DCDC2: variants seen among roughly 807,000 people sequenced by gnomAD.
The protein encoded by DCDC2 is doublecortin domain containing 2.
DCDC2 carries 40 observed loss-of-function variants against 50.2 expected under a neutral mutation model. The ratio of observed to expected loss-of-function variants is 0.80; its 90% CI spans 0.62 to 1.04. The LOEUF is 1.04. Ranked by LOEUF, DCDC2 falls within the 50% of genes least tolerant of loss-of-function variation. DCDC2 has a pLI of 0.00. For missense variants in DCDC2, 570 were observed against 581.9 expected (o/e 0.98, Z 0.21); for synonymous variants, 234 against 210.6 (o/e 1.11, Z -0.96).
At chr6:24,243,077 G>A (rs1408468818) in intron 7 of DCDC2, among the ~76,000 whole-genome samples, 1 of 152,142 alleles carries the variant, frequency 6.6e-6, no homozygotes, top group Non-Finnish European at 1.5e-5. Flanking sequence ...CACCCTCTGA[G>A]GTATTTCATC....
intron 7 of DCDC2, among the ~76,000 whole-genome samples, chr6:24,266,175 C>T (rs906747869): frequency 6.6e-6 from 1 of 152,150 alleles, no homozygotes; most frequent in African/African-American, 2.4e-5. Flanking sequence ...CGATATCTCA[C>T]CATATACAAA....
chr6:24,351,940 C>T (rs977848368), intron 2 of DCDC2, among the ~76,000 whole-genome samples: 50 of 152,030 alleles, frequency 3.3e-4, no homozygotes, highest in Non-Finnish European at 5.4e-4. Flanking sequence ...CCCGTCTCTA[C>T]GAAAAACAAA....
intron 8 of DCDC2, among the ~76,000 whole-genome samples, chr6:24,185,111 G>A (rs1354875672): frequency 6.6e-6 from 1 of 152,010 alleles, no homozygotes. Context: ...GTATTTCTCA[G>A]CCTTACCTCT....
At chr6:24,277,365 C>G (rs2113819079) in intron 7 of DCDC2, among the ~76,000 whole-genome samples, 1 of 152,312 alleles carries the variant, frequency 6.6e-6, no homozygotes, top group South Asian at 2.1e-4. Context: ...ACCCCAGCGT[C>G]ACTCCACTCT....
intron 7 of DCDC2, among the ~76,000 whole-genome samples, chr6:24,213,135 A>C (rs1379044813): frequency 6.6e-6 from 1 of 152,202 alleles, no homozygotes; most frequent in Non-Finnish European, 1.5e-5. Context: ...AATTACTAAA[A>C]ACTATTCTTA....
chr6:24,211,890 G>A (rs1761879164), intron 7 of DCDC2, among the ~76,000 whole-genome samples: 1 of 152,164 alleles, frequency 6.6e-6, no homozygotes, highest in Non-Finnish European at 1.5e-5. Context: ...AACAGCCATA[G>A]GAAAATGATA....
At chr6:24,382,009 A>AAGGACGGAAGGC in the DCDC2 span, among the ~76,000 whole-genome samples, 1 of 116,436 alleles carries the variant, frequency 8.6e-6, no homozygotes, top group Non-Finnish European at 1.7e-5. Context: ...GGAAGGAAGG[A>AAGGACGGAAGGC]AGGCAGGCAA....
At chr6:24,308,293 T>C (rs764199986) in intron 2 of DCDC2, among the ~76,000 whole-genome samples, 57 of 152,208 alleles carry the variant, frequency 3.7e-4, no homozygotes, top group Non-Finnish European at 7.3e-4. Context: ...CCAAGTCCTG[T>C]TGCACAGAAA....
chr6:24,355,562 G>A (rs1343244948), intron 1 of DCDC2, among the ~76,000 whole-genome samples: 1 of 152,122 alleles, frequency 6.6e-6, no homozygotes, highest in African/African-American at 2.4e-5. Context: ...CACCTTTTCT[G>A]TATTAAGAAA....
At position 24,331,479 on chromosome 6, in the gene DCDC2, T is replaced by C. The variant is rs191789537; in HGVS notation, c.348+22090A>G. ...GGACTAGAATGGGTCGTATATTATA[T>C]ACAAAATGGTAATATTTTAAATCTA... On this transcript the variant is annotated intron_variant, in intron 2 of 9. Coordinates refer to ENST00000378454, the MANE Select transcript of DCDC2 (RefSeq NM_016356.5). Among the ~76,000 whole-genome samples the C allele has an allele frequency of 1.1e-4, 17 of 152,150 alleles. No homozygotes were observed. The East Asian group carries it at 2.9e-3, about 26-fold the overall frequency.
chr6:24,367,728 C>T, the DCDC2 span, among the ~76,000 whole-genome samples: 1 of 151,862 alleles, frequency 6.6e-6, no homozygotes, highest in East Asian at 1.9e-4. Flanking sequence ...AGATAATCTC[C>T]ATATATAATG....
Position 24,341,784 on chromosome 6 carries a change from A to C in DCDC2, c.348+11785T>G, listed in dbSNP as rs199532476. On this transcript the variant is annotated intron_variant, in intron 2 of 9. Coordinates refer to ENST00000378454, the MANE Select transcript of DCDC2 (RefSeq NM_016356.5). ...AGATCTAAGAGTGGGATTCAAGCCC[A>C]AGTCCTTGGCCTCATTAGCACAGTG... Among the ~76,000 whole-genome samples the C allele has an allele frequency of 2.6e-5, 4 of 152,176 alleles. No homozygotes were observed. The East Asian group carries it at 5.8e-4, about 22-fold the overall frequency.
intron 2 of DCDC2, among the ~76,000 whole-genome samples, chr6:24,337,641 T>TA (rs1372940128): frequency 6.6e-6 from 1 of 151,634 alleles, no homozygotes; most frequent in Non-Finnish European, 1.5e-5. Context: ...CAAAAAAATA[T>TA]AAAAAAATTA....
At chr6:24,364,185 C>G in the DCDC2 span, among the ~76,000 whole-genome samples, 1 of 152,146 alleles carries the variant, frequency 6.6e-6, no homozygotes, top group Non-Finnish European at 1.5e-5. Flanking sequence ...ACCCCACTCC[C>G]CAGATCAGGA....
At chr6:24,302,311 G>C (rs893532856) in intron 2 of DCDC2, among the ~76,000 whole-genome samples, 9 of 135,606 alleles carry the variant, frequency 6.6e-5, no homozygotes, top group Admixed American at 1.5e-4. Flanking sequence ...AAAAAAAACA[G>C]AAATCATTTT....
chr6:24,294,805 C>G (rs538025951), intron 4 of DCDC2, among the ~76,000 whole-genome samples: 1 of 152,104 alleles, frequency 6.6e-6, no homozygotes, highest in African/African-American at 2.4e-5. Flanking sequence ...CAATAACAAA[C>G]TCTTAAAATT....
intron 7 of DCDC2, among the ~76,000 whole-genome samples, chr6:24,216,626 G>A (rs929401506): frequency 6.6e-6 from 1 of 152,226 alleles, no homozygotes; most frequent in African/African-American, 2.4e-5. Flanking sequence ...AGACAGTCAG[G>A]GATGAAAGGG....
intron 8 of DCDC2, among the ~76,000 whole-genome samples, chr6:24,187,539 A>G (rs184368855): frequency 1.6e-3 from 250 of 152,318 alleles, no homozygotes; most frequent in African/African-American, 5.8e-3. Context: ...AAAATAGTGA[A>G]CATAAATTGC....
chr6:24,220,891 T>TGAGCGAGAGAGC (rs1581594669), intron 7 of DCDC2, among the ~76,000 whole-genome samples: 14 of 99,042 alleles, frequency 1.4e-4, no homozygotes, highest in Middle Eastern at 0.01. Context: ...AGCGAGAGAG[T>TGAGCGAGAGAGC]GAGCGAGCGA....
Sources: gnomAD v4.1 joint callset for allele counts (sites outside exome capture counted in the v4.1 genomes callset) on GRCh38, gnomAD v4.1.1 for gene constraint, MANE v1.5 for transcripts, NCBI Gene and HGNC (gene_info 2026-07-23, HGNC 2026-07-21) for gene names.